Variants in MBNL1 observed in about 807,000 individuals in gnomAD.
MBNL1 encodes the protein muscleblind like splicing regulator 1.
Under a neutral mutation model 42.2 loss-of-function variants are expected in MBNL1, and 8 were observed. The observed-to-expected ratio is 0.19, with a 90% CI of 0.11 to 0.34. MBNL1 has a LOEUF of 0.34. Ranked by LOEUF, MBNL1 falls within the 10% of genes least tolerant of loss-of-function variation. The pLI, the probability that MBNL1 is intolerant of heterozygous loss-of-function variation, is 1.00. For missense variants in MBNL1, 309 were observed against 495.3 expected (o/e 0.62, Z 3.57); for synonymous variants, 169 against 173.9 (o/e 0.97, Z 0.22).
intron 2 of MBNL1, among the ~76,000 whole-genome samples, chr3:152,312,191 CAA>C (rs34750394): frequency 1.9e-4 from 9 of 47,490 alleles, no homozygotes; most frequent in Non-Finnish European, 2.2e-4. Context: ...GACTCCGTCT[CAA>C]AAAAAAAAAA....
intron 3 of MBNL1, among the ~76,000 whole-genome samples, chr3:152,420,102 C>T (rs2098778490): frequency 6.6e-6 from 1 of 152,196 alleles, no homozygotes; most frequent in African/African-American, 2.4e-5. Context: ...AAGGCAGTAG[C>T]CCTAGTCAGG....
intron 2 of MBNL1, among the ~76,000 whole-genome samples, chr3:152,364,100 T>C (rs540904957): frequency 2.1e-4 from 32 of 152,242 alleles, no homozygotes; most frequent in African/African-American, 7.5e-4. Flanking sequence ...TGCCCTTTAT[T>C]TTTCATGGAC....
intron 2 of MBNL1, chr3:152,339,837 C>A (rs2092643769): frequency 6.6e-6 from 1 of 152,040 alleles, no homozygotes; most frequent in Non-Finnish European, 1.5e-5. Flanking sequence ...ATTGATATTT[C>A]ATTTAACATA....
chr3:152,355,796 A>G (rs1036964675), intron 2 of MBNL1, among the ~76,000 whole-genome samples: 1 of 152,202 alleles, frequency 6.6e-6, no homozygotes, highest in Non-Finnish European at 1.5e-5. Context: ...AAAATTATCT[A>G]CTAAGTGTGT....
Position 152,430,557 on chromosome 3 carries a change from G to T in MBNL1, c.346-2160G>T, listed in dbSNP as rs537558497. ...TAGAAATTAGGGTGCTGGTCTGGCT[G>T]GATTTTCATATGCAATCTGACAATG... On this transcript the variant is annotated intron_variant, in intron 3 of 9. Transcript: ENST00000324210. Among the ~76,000 whole-genome samples, 17 of 152,290 alleles carry T rather than the reference G, an allele frequency of 1.1e-4. No homozygotes were observed. In the South Asian group the frequency reaches 3.5e-3, roughly 32 times the overall value.
At position 152,376,782 on chromosome 3, in the gene MBNL1, A is replaced by ACGCACACACACACGTGCATG. The variant is rs1198488934; in HGVS notation, c.175-38145_175-38126dup. On this transcript the variant is annotated intron_variant, in intron 2 of 9. Coordinates refer to ENST00000324210, the MANE Select transcript of MBNL1 (RefSeq NM_021038.5). ...TGCCACGCACTCTCTCTATATATAT[A>ACGCACACACACACGTGCATG]CGCACACACACACGTGCATGCGCAC... Among the ~76,000 whole-genome samples the ACGCACACACACACGTGCATG allele has an allele frequency of 3.8e-5, 5 of 131,554 alleles. No individual in the cohort carries two copies. The East Asian group carries it at 9.6e-4, about 25-fold the overall frequency. The allele number at this position is 131,554 out of a possible 152,430, so 86.3% of individuals were successfully genotyped here.
chr3:152,336,727 T>G (rs1031541483), intron 2 of MBNL1, among the ~76,000 whole-genome samples: 1 of 152,330 alleles, frequency 6.6e-6, no homozygotes, highest in South Asian at 2.1e-4. Context: ...TTTGATAGCT[T>G]TTATTTCCTG....
chr3:152,444,494 G>C lies in MBNL1; in HGVS notation c.550-788G>C, dbSNP rs370609205. Among the ~76,000 whole-genome samples the C allele has an allele frequency of 8.1e-4, 123 of 152,226 alleles. 1 individual carries two copies. Among genetic ancestry groups the C allele is most frequent in the African/African-American group, 2.8e-3 (118 of 41,544 alleles). Reference sequence around the variant, plus strand: ...ATAAAAAGCTATCAAATTTGATTTTGTATATTTTTCACTTGGAAATAATTT... The same window carrying C: ...ATAAAAAGCTATCAAATTTGATTTTCTATATTTTTCACTTGGAAATAATTT... On this transcript the variant is annotated intron_variant, in intron 4 of 9. Transcript: ENST00000324210.
chr3:152,253,596 T>A (rs1007420094), intron 2 of MBNL1, among the ~76,000 whole-genome samples: 12 of 152,124 alleles, frequency 7.9e-5, no homozygotes, highest in Non-Finnish European at 1.6e-4. Flanking sequence ...CACTAAAGCT[T>A]ATATGTCTTT....
intron 2 of MBNL1, among the ~76,000 whole-genome samples, chr3:152,259,920 C>A (rs528969786): frequency 3.3e-5 from 5 of 152,340 alleles, no homozygotes; most frequent in African/African-American, 1.2e-4. Flanking sequence ...TACACACTCT[C>A]ATTTTTCTCA....
intron 2 of MBNL1, among the ~76,000 whole-genome samples, chr3:152,373,006 G>T (rs945049679): frequency 2.0e-5 from 3 of 152,196 alleles, no homozygotes; most frequent in African/African-American, 7.2e-5. Flanking sequence ...CCAGAGAGGA[G>T]GAATCTAGAG....
chr3:152,253,688 C>T (rs1395120500), intron 2 of MBNL1, among the ~76,000 whole-genome samples: 3 of 152,180 alleles, frequency 2.0e-5, no homozygotes, highest in East Asian at 3.9e-4. Flanking sequence ...GTATTCTGAG[C>T]TCATTCCTGA....
intron 2 of MBNL1, among the ~76,000 whole-genome samples, chr3:152,373,104 G>A (rs2153274454): frequency 6.6e-6 from 1 of 152,174 alleles, no homozygotes; most frequent in Admixed American, 6.5e-5. Context: ...ACTGTGAGGG[G>A]AAAACCACCT....
In MBNL1 at chr3:152,418,425, C is replaced by T. The variant is rs146381611; in HGVS notation, c.345+3314C>T. ...TGCTGGCTTACACCTGTAATCCCAGCACTTTGGGAGGCTGAGGCAGGAGGG... is the reference window on the plus strand; with the variant it reads ...TGCTGGCTTACACCTGTAATCCCAGTACTTTGGGAGGCTGAGGCAGGAGGG... On this transcript the variant is annotated intron_variant, in intron 3 of 9. Coordinates refer to ENST00000324210, the MANE Select transcript of MBNL1 (RefSeq NM_021038.5). Among the ~76,000 whole-genome samples, 51 of 152,070 alleles carry T rather than the reference C, an allele frequency of 3.4e-4. 1 individual carries two copies. The highest frequency in any genetic ancestry group is 1.2e-3 in the African/African-American group (50 of 41,488).
In MBNL1 at chr3:152,463,392, T is replaced by C. The variant is rs575943194; in HGVS notation, c.*1026T>C. 6.6e-6 allele frequency: 1 copy of C among 152,626 alleles called. No homozygotes were observed. The highest frequency in any genetic ancestry group is 2.1e-4 in the South Asian group (1 of 4,832). The allele number at this position is 152,626 out of a possible 1,614,324, so 9.5% of individuals were successfully genotyped here. A position where few individuals can be genotyped will look rare whatever the true frequency, so the allele number is the denominator to read the frequency against. ...CAGTAACAAAAAAATGAGGAAATTA[T>C]TTTGCTTCTATTTATAGCCTCTGTC... On this transcript the variant is annotated 3_prime_UTR_variant, in exon 10 of 10. Coordinates refer to ENST00000324210, the MANE Select transcript of MBNL1 (RefSeq NM_021038.5).
In MBNL1 at chr3:152,464,005, C is replaced by T. The variant is rs1490381845; in HGVS notation, c.*1639C>T. ...CATCTATTAAAGCCTTAGATTATTA[C>T]ATTACGGGTTGGAACCCATACCAAT... On this transcript the variant is annotated 3_prime_UTR_variant, in exon 10 of 10. Transcript: ENST00000324210. The T allele has an allele frequency of 6.6e-6, 1 of 152,548 alleles. No individual in the cohort carries two copies. Among genetic ancestry groups the T allele is most frequent in the Non-Finnish European group, 1.5e-5 (1 of 67,990 alleles). The allele number at this position is 152,548 out of a possible 1,614,324, so 9.4% of individuals were successfully genotyped here. A position where few individuals can be genotyped will look rare whatever the true frequency, so the allele number is the denominator to read the frequency against.
At chr3:152,253,941 T>C (rs2035063795) in intron 2 of MBNL1, among the ~76,000 whole-genome samples, 1 of 152,178 alleles carries the variant, frequency 6.6e-6, no homozygotes, top group African/African-American at 2.4e-5. Context: ...CTTTATCCAA[T>C]TATTTGTTAT....
intron 2 of MBNL1, among the ~76,000 whole-genome samples, chr3:152,332,165 G>C (rs1025446871): frequency 2.0e-5 from 3 of 152,176 alleles, no homozygotes; most frequent in Non-Finnish European, 2.9e-5. Context: ...CTGGATAAAA[G>C]AGTCATGATT....
intron 1 of MBNL1, among the ~76,000 whole-genome samples, chr3:152,288,429 G>A (rs974280689): frequency 6.6e-6 from 1 of 152,136 alleles, no homozygotes; most frequent in Non-Finnish European, 1.5e-5. Flanking sequence ...GGGCCTACAT[G>A]AGTTTTCCAG....
Sources: gnomAD v4.1 joint callset for allele counts (sites outside exome capture counted in the v4.1 genomes callset) on GRCh38, gnomAD v4.1.1 for gene constraint, MANE v1.5 for transcripts, NCBI Gene and HGNC (gene_info 2026-07-23, HGNC 2026-07-21) for gene names.